The following SLC4A9 variants were observed in gnomAD, a reference collection of about 807,000 sequenced individuals.
SLC4A9 encodes the protein solute carrier family 4 member 9, also known as anion exchange protein 4.
Under a neutral mutation model 103.2 loss-of-function variants are expected in SLC4A9, and 102 were observed. The ratio of observed to expected loss-of-function variants is 0.99; its 90% CI spans 0.84 to 1.17. The LOEUF (loss-of-function observed/expected upper bound fraction) is 1.17, where lower values mean the gene tolerates loss of function less well. Ranked by LOEUF, SLC4A9 falls within the 50% of genes most tolerant of loss-of-function variation. The pLI, the probability that SLC4A9 is intolerant of heterozygous loss-of-function variation, is 0.00. For synonymous variants in SLC4A9, 453 were observed against 483.6 expected (o/e 0.94, Z 0.83); for missense variants, 1,091 against 1,193.7 (o/e 0.91, Z 1.27).
chr5:140,369,836 T>C (rs1300047984), intron 17 of SLC4A9, among the ~76,000 whole-genome samples: 2 of 151,904 alleles, frequency 1.3e-5, no homozygotes, highest in African/African-American at 4.8e-5. Context: ...ACCCCGTCTC[T>C]ACAAAAAATA....
chr5:140,364,313 G>A (rs1561588323), intron 10 of SLC4A9, 50 bp from the exon 11 acceptor site: 2 of 1,607,316 alleles, frequency 1.2e-6, no homozygotes, highest in East Asian at 2.2e-5. Flanking sequence ...GGGTTTAGTG[G>A]GAAGCAGACA....
At position 140,362,778 on chromosome 5, in the gene SLC4A9, T is replaced by G. The variant is rs1440180366; in HGVS notation, c.808-134T>G. On this transcript the variant is annotated intron_variant, in intron 6 of 21. Coordinates refer to ENST00000506757, the MANE Select transcript of SLC4A9 (RefSeq NM_031467.3). ...ATAGATACCCACTGAATGAATGAAT[T>G]AATGCATGCATAAAGGAATGTGTGA... is the stretch of plus-strand genomic sequence containing the variant. The G allele has an allele frequency of 7.6e-6, 9 of 1,180,566 alleles. No homozygotes were observed. In the South Asian group the frequency reaches 8.9e-5, roughly 12 times the overall value. 73.1% of individuals were successfully genotyped at this position (1,180,566 alleles called of 1,614,324 possible). A position where few individuals can be genotyped will look rare whatever the true frequency, so the allele number is the denominator to read the frequency against.
At chr5:140,362,249 T>A in intron 5 of SLC4A9, 75 bp downstream of exon 5, 2 of 1,408,814 alleles carry the variant, frequency 1.4e-6, no homozygotes, top group Non-Finnish European at 9.5e-7. Context: ...GGAAGGAGGG[T>A]CTCAGTCTGA....
Position 140,367,867 on chromosome 5 carries a change from C to A in SLC4A9, c.2323C>A (p.Pro775Thr), listed in dbSNP as rs750868356. 9.3e-6 allele frequency: 15 copies of A among 1,613,876 alleles called. No individual in the cohort carries two copies. Among genetic ancestry groups the A allele is most frequent in the Non-Finnish European group, 1.2e-5 (14 of 1,179,852 alleles). ...SLRRESRACA[P>T]GERPNFLGIR... is the part of the protein sequence containing the mutation. Reference sequence around the variant, plus strand: ...TCGGAGAGAGAGCAGAGCCTGTGCCCCCGGGGAGCGCCCCAACTTCCTGGG... The same window carrying A: ...TCGGAGAGAGAGCAGAGCCTGTGCCACCGGGGAGCGCCCCAACTTCCTGGG... The change falls in exon 16 of 22, where the codon CCC (proline) becomes ACC (threonine). Residue 775 changes from proline (P) to threonine (T), a missense_variant. Coordinates refer to ENST00000506757, the MANE Select transcript of SLC4A9 (RefSeq NM_031467.3).
Position 140,373,991 on chromosome 5 carries a change from T to G in SLC4A9, c.*46-836T>G, listed in dbSNP as rs563893150. ...GGTGGATCACTTGAGTTCAGGAGTT[T>G]GAGACCAGCCTGGCCAACATAGTGA... is the stretch of plus-strand genomic sequence containing the variant. On this transcript the variant is annotated intron_variant, in intron 21 of 21. Transcript: ENST00000506757. 9.2e-5 allele frequency among the ~76,000 whole-genome samples: 14 copies of G among 151,452 alleles called. No homozygotes were observed. In the South Asian group the frequency reaches 1.3e-3, roughly 14 times the overall value.
Position 140,371,517 on chromosome 5 carries a change from C to T in SLC4A9, c.2563C>T (p.His855Tyr). 2 of 1,614,078 alleles carry T rather than the reference C, an allele frequency of 1.2e-6. No homozygotes were observed. Among genetic ancestry groups the T allele is most frequent in the South Asian group, 2.2e-5 (2 of 91,084 alleles). Residue 855 changes from histidine (H) to tyrosine (Y), a missense_variant, in exon 19 of 22, where the codon CAT (histidine) becomes TAT (tyrosine). His to Tyr is a moderately conservative substitution (Grantham distance 83). Coordinates refer to ENST00000506757, the MANE Select transcript of SLC4A9 (RefSeq NM_031467.3). The stretch of plus-strand genomic sequence containing the variant: ...CCAGCCAGACCTGCTACTCTTGCGG[C>T]ATGTGCCTCTGACCAGGGTCCACCT... ...KHQPDLLLLR[H>Y]VPLTRVHLFT...
chr5:140,374,365 G>C (rs1769180682), intron 21 of SLC4A9, among the ~76,000 whole-genome samples: 1 of 151,828 alleles, frequency 6.6e-6, no homozygotes, highest in African/African-American at 2.4e-5. Context: ...TTTGAGATCA[G>C]CCTGGCCAAC....
chr5:140,367,816 A>G lies in SLC4A9; in HGVS notation c.2272A>G (p.Ile758Val). The change falls in exon 16 of 22, where the codon ATC becomes GTC. Residue 758 changes from isoleucine to valine, a missense_variant. Ile to Val is a conservative substitution (Grantham distance 29). Coordinates refer to ENST00000506757, the MANE Select transcript of SLC4A9 (RefSeq NM_031467.3). ...GLPWYVSATVISLAHMDSLRR... is the reference protein window; with the variant it reads ...GLPWYVSATVVSLAHMDSLRR... Reference sequence around the variant, plus strand: ...GCCTTGGTATGTCTCAGCCACTGTCATCTCCCTGGCTCACATGGACAGTCT... The same window carrying G: ...GCCTTGGTATGTCTCAGCCACTGTCGTCTCCCTGGCTCACATGGACAGTCT... The G allele has an allele frequency of 6.2e-7, 1 of 1,613,960 alleles. No homozygotes were observed. The highest frequency in any genetic ancestry group is 1.3e-5 in the African/African-American group (1 of 75,030).
At chr5:140,367,011 C>T (rs547700900) in intron 14 of SLC4A9, among the ~76,000 whole-genome samples, 1 of 152,208 alleles carries the variant, frequency 6.6e-6, no homozygotes, top group Non-Finnish European at 1.5e-5. Context: ...TGCTTGTAAT[C>T]AGCGTGGACA....
rs1195061389 is a variant in SLC4A9, at chr5:140,363,171, T to C, written c.962+105T>C. On this transcript the variant is annotated intron_variant, in intron 7 of 21. Transcript: ENST00000506757. The surrounding 1 kb of genome is among the most constrained non-coding windows in gnomAD (Gnocchi z 4.5). ...GTCCCAGGAAAGAGATAGGGACCTA[T>C]CTTTGGATTTGGAGTCAGGCAGACC... The C allele has an allele frequency of 1.4e-6, 2 of 1,438,858 alleles. No individual in the cohort carries two copies. Among genetic ancestry groups the C allele is most frequent in the Non-Finnish European group, 1.9e-6 (2 of 1,066,548 alleles). 89.1% of individuals were successfully genotyped at this position (1,438,858 alleles called of 1,614,324 possible).
chr5:140,360,656 C>A, intron 1 of SLC4A9, 156 bp from the exon 2 acceptor site: 2 of 1,289,202 alleles, frequency 1.6e-6, no homozygotes, highest in Non-Finnish European at 2.2e-6. Context: ...TCCCCAAGAC[C>A]CTAGATGAGG....
chr5:140,370,833 G>C (rs766980586), intron 17 of SLC4A9: 37 of 481,144 alleles, frequency 7.7e-5, no homozygotes, highest in East Asian at 4.5e-4. Flanking sequence ...GATTGGAATG[G>C]TAGGCCAGGT....
chr5:140,368,290 TG>T (rs1410248087), intron 16 of SLC4A9, among the ~76,000 whole-genome samples: 1 of 152,218 alleles, frequency 6.6e-6, no homozygotes, highest in Non-Finnish European at 1.5e-5. Flanking sequence ...AATTGTGAAA[TG>T]TAAGTCTTTA....
At position 140,361,339 on chromosome 5, in the gene SLC4A9, C is replaced by T. The variant is rs1187324487; in HGVS notation, c.477C>T (p.Asn159=). The T allele has an allele frequency of 6.4e-7, 1 of 1,562,564 alleles. No homozygotes were observed. Among genetic ancestry groups the T allele is most frequent in the Non-Finnish European group, 8.7e-7 (1 of 1,153,248 alleles). The stretch of plus-strand genomic sequence containing the variant: ...TGCTGCAGAGACCCCAGCATTACAA[C>T]CAGACCACAGGCACCAGGCCCTGCT... ...ALLLQRPQHY[N]QTTGTRPCWG... The change falls in exon 3 of 22, where the codon AAC becomes AAT. Residue 159 remains asparagine, a synonymous_variant. Coordinates refer to ENST00000506757, the MANE Select transcript of SLC4A9 (RefSeq NM_031467.3).
In SLC4A9 at chr5:140,363,476, G is replaced by A. The variant is rs974533518; in HGVS notation, c.1000G>A (p.Val334Ile). ...SQQREIRGPA[V>I]PRLTSAEDRH... ...ACAGCGGGAGATCAGAGGTCCCGCCGTCCCGCGCCTGACCTCGGCTGAGGA... is the reference window on the plus strand; with the variant it reads ...ACAGCGGGAGATCAGAGGTCCCGCCATCCCGCGCCTGACCTCGGCTGAGGA... The change falls in exon 8 of 22, where the codon GTC becomes ATC. Residue 334 changes from valine (V) to isoleucine (I), a missense_variant. Val to Ile is a conservative substitution (Grantham distance 29). Transcript: ENST00000506757. The surrounding 1 kb of genome is among the most constrained non-coding windows in gnomAD (Gnocchi z 4.5). The A allele has an allele frequency of 3.2e-6, 5 of 1,551,176 alleles. No homozygotes were observed. In the African/African-American group the frequency reaches 4.1e-5, roughly 13 times the overall value.
At chr5:140,371,374 G>C in intron 18 of SLC4A9, 77 bp from the exon 19 acceptor site, 36 of 1,563,450 alleles carry the variant, frequency 2.3e-5, no homozygotes, top group Non-Finnish European at 3.1e-5. Flanking sequence ...CCAGTGCTGG[G>C]CTATGATAGC....
chr5:140,367,942 G>A (rs1470125531), intron 16 of SLC4A9, 44 bp downstream of exon 16: 5 of 1,604,892 alleles, frequency 3.1e-6, no homozygotes, highest in Non-Finnish European at 4.3e-6. Context: ...TGGGCAGCAA[G>A]GTAAGGCAAA....
chr5:140,370,791 G>A (rs1240473269), intron 17 of SLC4A9: 1 of 364,982 alleles, frequency 2.7e-6, no homozygotes, highest in African/African-American at 2.0e-5. Context: ...TATAGTGGGA[G>A]CATAAAGAAC....
At chr5:140,362,621 A>AGT (rs371159947) in intron 6 of SLC4A9, 89 bp downstream of exon 6, 29 of 1,294,078 alleles carry the variant, frequency 2.2e-5, no homozygotes, top group South Asian at 3.6e-5. Flanking sequence ...GGCTCATGTG[A>AGT]GTGTGTGTGT....
Sources: allele counts gnomAD v4.1 joint callset (sites outside exome capture counted in the v4.1 genomes callset), GRCh38; gene constraint gnomAD v4.1.1; non-coding constraint Gnocchi (gnomAD v3.1); transcripts MANE v1.5; gene names NCBI Gene and HGNC (gene_info 2026-07-23, HGNC 2026-07-21).